PLA2G7: variants seen among roughly 807,000 people sequenced by gnomAD.
PLA2G7 encodes phospholipase A2 group VII, also known as platelet-activating factor acetylhydrolase.
A neutral mutation model predicts 49.6 loss-of-function variants in PLA2G7; 63 were observed. The observed-to-expected ratio is 1.27, with a 90% CI of 1.04 to 1.57. PLA2G7 has a LOEUF of 1.57. PLA2G7 is among the 40% of genes most tolerant of loss of function. The probability of loss-of-function intolerance (pLI) is 0.00; values close to 1 mark genes in which losing one functional copy is unlikely to be tolerated. For synonymous variants in PLA2G7, 193 were observed against 169.9 expected (o/e 1.14, Z -1.06); for missense variants, 596 against 521.2 (o/e 1.14, Z -1.40).
chr6:46,705,145 T>C lies in PLA2G7; in HGVS notation c.1189+8A>G. ...CTGGTTTAGGTCATGAAAAAAATAGTTTCTTACCTAAATGCTTTTGTAAGA... is the reference window on the plus strand; with the variant it reads ...CTGGTTTAGGTCATGAAAAAAATAGCTTCTTACCTAAATGCTTTTGTAAGA... On this transcript the variant is annotated splice_region_variant and intron_variant, in intron 11 of 11. Transcript: ENST00000274793. 1 of 1,600,380 alleles carries C rather than the reference T, an allele frequency of 6.2e-7. No individual in the cohort carries two copies. The highest frequency in any genetic ancestry group is 8.6e-7 in the Non-Finnish European group (1 of 1,168,362).
At chr6:46,718,833 G>A (rs16874967) in intron 2 of PLA2G7, among the ~76,000 whole-genome samples, 15,098 of 152,196 alleles carry the variant, frequency 0.099, 1,211 homozygotes, top group African/African-American at 0.22. Flanking sequence ...TTTCTTCAGA[G>A]CCATATCCAT....
chr6:46,725,282 A>T (rs1413673614), intron 1 of PLA2G7, among the ~76,000 whole-genome samples: 1 of 151,912 alleles, frequency 6.6e-6, no homozygotes, highest in Non-Finnish European at 1.5e-5. Context: ...CCCAGGCTGG[A>T]ATGCAGTAGT....
intron 1 of PLA2G7, 123 bp from the exon 2 acceptor site, chr6:46,723,048 T>C (rs1207543224): frequency 1.6e-6 from 1 of 641,746 alleles, no homozygotes; most frequent in Non-Finnish European, 2.8e-6. Flanking sequence ...GTATTTTCTG[T>C]GCTGGGTTTT....
chr6:46,711,983 A>G (rs1262840846), intron 6 of PLA2G7, among the ~76,000 whole-genome samples: 3 of 152,118 alleles, frequency 2.0e-5, no homozygotes, highest in Non-Finnish European at 4.4e-5. Context: ...AAACAACAAC[A>G]ATAATAATAA....
intron 10 of PLA2G7, among the ~76,000 whole-genome samples, 198 bp downstream of exon 10, chr6:46,707,793 T>C (rs1283865392): frequency 2.0e-5 from 3 of 152,176 alleles, no homozygotes; most frequent in African/African-American, 7.2e-5. Flanking sequence ...CCAGTATATA[T>C]ACTATATACG....
chr6:46,714,433 A>T (rs201894341), intron 5 of PLA2G7, 27 bp downstream of exon 5: 4 of 1,432,312 alleles, frequency 2.8e-6, no homozygotes, highest in Admixed American at 3.3e-5. Flanking sequence ...CCTGGAAGCC[A>T]AAATTGTTCA....
intron 1 of PLA2G7, among the ~76,000 whole-genome samples, chr6:46,726,654 T>G (rs1765583473): frequency 6.6e-6 from 1 of 152,002 alleles, no homozygotes; most frequent in African/African-American, 2.4e-5. Context: ...ACACAAACTT[T>G]TTTTTTTTGG....
At chr6:46,709,184 G>T in intron 9 of PLA2G7, 143 bp downstream of exon 9, 3 of 623,762 alleles carry the variant, frequency 4.8e-6, no homozygotes, top group South Asian at 1.9e-5. Flanking sequence ...TGTATATAGA[G>T]TATTTTATGG....
Position 46,704,616 on chromosome 6 carries a change from T to G in PLA2G7, c.1270A>C (p.Thr424Pro), listed in dbSNP as rs1388506173. ...TGTAACATGATGTGTTGATTGGTTG[T>G]GTTAATGTTGGTCCCTGGAATAAGA... The part of the protein sequence containing the change: ...ENLIPGTNIN[T>P]TNQHIMLQNS... Residue 424 changes from threonine (T) to proline (P), a missense_variant, in exon 12 of 12, where the codon ACA (threonine) becomes CCA (proline). By Grantham distance (38) the Thr-to-Pro change is conservative. Transcript: ENST00000274793. 1 of 1,586,552 alleles carries G rather than the reference T, an allele frequency of 6.3e-7. No individual in the cohort carries two copies. Among genetic ancestry groups the G allele is most frequent in the East Asian group, 2.2e-5 (1 of 44,718 alleles).
chr6:46,735,035 G>C (rs1244057180), intron 1 of PLA2G7, 145 bp downstream of exon 1: 1 of 152,284 alleles, frequency 6.6e-6, no homozygotes, highest in South Asian at 2.1e-4. Flanking sequence ...AGGGCTGCAG[G>C]GACTGTGAGC....
At chr6:46,735,008 T>A (rs1434526060) in intron 1 of PLA2G7, among the ~76,000 whole-genome samples, 172 bp downstream of exon 1, 1 of 152,104 alleles carries the variant, frequency 6.6e-6, no homozygotes, top group East Asian at 1.9e-4. Context: ...CCCGCAAGGA[T>A]CCTAGCGCTG....
chr6:46,732,779 CATA>C (rs1765775158), intron 1 of PLA2G7, among the ~76,000 whole-genome samples: 1 of 152,114 alleles, frequency 6.6e-6, no homozygotes, highest in South Asian at 2.1e-4. Flanking sequence ...AGTGAGGGCA[CATA>C]ATGTGTCTAA....
In PLA2G7 at chr6:46,716,946, A is replaced by C. The variant is rs779523344; in HGVS notation, c.231+29T>G. 6.9e-6 allele frequency: 11 copies of C among 1,605,766 alleles called. No individual in the cohort carries two copies. In the East Asian group the frequency reaches 1.1e-4, roughly 16 times the overall value. ...TAGCGACAGACAATATTAGAGTATC[A>C]GGATAAGTTGTATAAATCAAAGCAT... is the stretch of plus-strand genomic sequence containing the variant. On this transcript the variant is annotated intron_variant, in intron 3 of 11. Transcript: ENST00000274793.
Position 46,709,391 on chromosome 6 carries a change from C to G in PLA2G7, c.805G>C (p.Val269Leu), listed in dbSNP as rs747261929. The G allele has an allele frequency of 5.0e-6, 8 of 1,604,166 alleles. No individual in the cohort carries two copies. In the Middle Eastern group the frequency reaches 5.0e-4, roughly 100 times the overall value. Residue 269 changes from valine to leucine, a missense_variant, in exon 9 of 12, where the codon GTA (valine) becomes CTA (leucine). Coordinates refer to ENST00000274793, the MANE Select transcript of PLA2G7 (RefSeq NM_005084.4). ...KDSIDREKIA[V>L]IGHSFGGATV... is the part of the protein sequence containing the mutation. ...GCTCCACCAAAAGAATGTCCAATTA[C>G]TGCTATTTTTTCCCTATCAATAGAG... is the stretch of plus-strand genomic sequence containing the variant.
intron 1 of PLA2G7, among the ~76,000 whole-genome samples, chr6:46,727,485 C>CTGA (rs779594892): frequency 9.9e-5 from 15 of 152,140 alleles, no homozygotes; most frequent in Non-Finnish European, 1.8e-4. Context: ...CAAATTCTTC[C>CTGA]TGATTGACCT....
At chr6:46,706,094 TATC>T (rs760579579) in intron 10 of PLA2G7, among the ~76,000 whole-genome samples, 3 of 152,222 alleles carry the variant, frequency 2.0e-5, no homozygotes, top group Admixed American at 6.5e-5. Context: ...TCATCTGTGT[TATC>T]ATGTAAATTA....
At chr6:46,718,528 T>C (rs1765289373) in intron 2 of PLA2G7, among the ~76,000 whole-genome samples, 1 of 152,180 alleles carries the variant, frequency 6.6e-6, no homozygotes, top group Non-Finnish European at 1.5e-5. Context: ...CCCCTTAAGT[T>C]ATACCCCTTC....
At chr6:46,714,623 A>C in intron 4 of PLA2G7, 70 bp from the exon 5 acceptor site, 4 of 916,958 alleles carry the variant, frequency 4.4e-6, no homozygotes, top group Non-Finnish European at 7.3e-6. Context: ...TTCATATCTC[A>C]TTAGCATAAA....
At chr6:46,722,758 G>T in intron 2 of PLA2G7, 25 bp downstream of exon 2, 1 of 1,397,974 alleles carries the variant, frequency 7.2e-7, no homozygotes, top group Non-Finnish European at 1.0e-6. Flanking sequence ...AGTTGCTCAA[G>T]ACCTTGAACA....
Sources: allele counts gnomAD v4.1 joint callset (sites outside exome capture counted in the v4.1 genomes callset), GRCh38; gene constraint gnomAD v4.1.1; transcripts MANE v1.5; gene names NCBI Gene and HGNC (gene_info 2026-07-23, HGNC 2026-07-21).